Variants in TBCK observed in about 807,000 individuals in gnomAD.
TBCK encodes TBC1 domain containing kinase, also known as TBC domain-containing protein kinase-like protein.
A neutral mutation model predicts 113.4 loss-of-function variants in TBCK; 99 were observed. The observed-to-expected ratio is 0.87, with a 90% CI of 0.74 to 1.03. The LOEUF is 1.03. TBCK is among the 50% of genes least tolerant of loss of function. TBCK has a pLI of 0.00. For synonymous variants in TBCK, 369 were observed against 370.8 expected (o/e 1.00, Z 0.05); for missense variants, 1,045 against 1,061.3 (o/e 0.98, Z 0.21).
At chr4:106,298,223 AAT>A (rs1044802325) in intron 2 of TBCK, among the ~76,000 whole-genome samples, 8 of 152,180 alleles carry the variant, frequency 5.3e-5, no homozygotes, top group African/African-American at 1.9e-4. Context: ...AAACATTTTA[AAT>A]GGAATATTCT....
At chr4:106,306,545 G>A (rs1257783491) in intron 2 of TBCK, among the ~76,000 whole-genome samples, 3 of 151,970 alleles carry the variant, frequency 2.0e-5, no homozygotes, top group African/African-American at 7.3e-5. Flanking sequence ...TGGGACCTGG[G>A]GTAATGAGTT....
At chr4:106,219,273 T>G in intron 19 of TBCK, among the ~76,000 whole-genome samples, 1 of 149,312 alleles carries the variant, frequency 6.7e-6, no homozygotes, top group East Asian at 2.0e-4. Flanking sequence ...TAATGCTAGA[T>G]GACGAGTTAG....
chr4:106,252,059 A>G, intron 5 of TBCK, 52 bp from the exon 6 acceptor site: 1 of 1,449,088 alleles, frequency 6.9e-7, no homozygotes, highest in Non-Finnish European at 9.4e-7. Context: ...AAGAAGCGAT[A>G]GTACATTTTT....
At chr4:106,248,833 A>G in intron 8 of TBCK, 88 bp downstream of exon 8, 3 of 1,100,668 alleles carry the variant, frequency 2.7e-6, no homozygotes, top group African/African-American at 3.2e-5. Context: ...AACTGTGGAA[A>G]AATAAATTTT....
intron 25 of TBCK, among the ~76,000 whole-genome samples, chr4:106,088,867 G>C (rs565003742): frequency 6.6e-6 from 1 of 152,142 alleles, no homozygotes; most frequent in African/African-American, 2.4e-5. Flanking sequence ...TCACAAATGC[G>C]AGTTGAACAT....
At chr4:106,222,165 C>T (rs543438384) in intron 19 of TBCK, among the ~76,000 whole-genome samples, 1 of 144,122 alleles carries the variant, frequency 6.9e-6, no homozygotes, top group Admixed American at 6.7e-5. Flanking sequence ...AGTATAAAAT[C>T]TATCTAATAT....
At chr4:106,187,509 C>T (rs1318777282) in intron 22 of TBCK, among the ~76,000 whole-genome samples, 1 of 152,012 alleles carries the variant, frequency 6.6e-6, no homozygotes, top group African/African-American at 2.4e-5. Flanking sequence ...CTCTGCTTCC[C>T]AGGTTCAAGC....
intron 25 of TBCK, among the ~76,000 whole-genome samples, chr4:106,082,982 C>T (rs1272944921): frequency 6.6e-6 from 1 of 152,228 alleles, no homozygotes; most frequent in Non-Finnish European, 1.5e-5. Context: ...ACTTGCGAAC[C>T]CATTCCACCA....
At chr4:106,135,240 T>C (rs1370000700) in intron 23 of TBCK, among the ~76,000 whole-genome samples, 2 of 151,390 alleles carry the variant, frequency 1.3e-5, no homozygotes, top group Non-Finnish European at 2.9e-5. Flanking sequence ...AGATATTTTA[T>C]ATATAATAAA....
chr4:106,205,302 TA>T (rs1341464619), intron 20 of TBCK, among the ~76,000 whole-genome samples: 1 of 152,108 alleles, frequency 6.6e-6, no homozygotes, highest in Non-Finnish European at 1.5e-5. Context: ...CAGCAACCAA[TA>T]TTTTTCAATG....
In TBCK at chr4:106,265,638, A is replaced by G. The variant is rs552728763; in HGVS notation, c.267-3426T>C. Among the ~76,000 whole-genome samples, 3 of 151,960 alleles carry G rather than the reference A, an allele frequency of 2.0e-5. No homozygotes were observed. In the East Asian group the frequency reaches 5.8e-4, roughly 29 times the overall value. On this transcript the variant is annotated intron_variant, in intron 3 of 25. Transcript: ENST00000394708. ...TATGTCCTCTAGTTGTTCCTTGTCG[A>G]TAGATACTGTTCTTTGGTTATGGAT...
chr4:106,218,441 C>A (rs1352638757), intron 19 of TBCK, among the ~76,000 whole-genome samples: 17 of 145,906 alleles, frequency 1.2e-4, no homozygotes, highest in Non-Finnish European at 2.1e-4. Flanking sequence ...CAACCTACAA[C>A]ATGGGAGAAA....
At chr4:106,208,323 T>C (rs541854261) in intron 20 of TBCK, among the ~76,000 whole-genome samples, 1 of 152,266 alleles carries the variant, frequency 6.6e-6, no homozygotes, top group Non-Finnish European at 1.5e-5. Flanking sequence ...TTTCCTCTGA[T>C]TGATCCCTAC....
At chr4:106,202,999 ATTAAAT>A (rs1755060048) in intron 20 of TBCK, among the ~76,000 whole-genome samples, 1 of 152,050 alleles carries the variant, frequency 6.6e-6, no homozygotes, top group Non-Finnish European at 1.5e-5. Flanking sequence ...AGAAATAAAA[ATTAAAT>A]TTATTCTAAT....
chr4:106,255,518 G>A (rs1761891441), intron 5 of TBCK, among the ~76,000 whole-genome samples: 1 of 152,210 alleles, frequency 6.6e-6, no homozygotes, highest in African/African-American at 2.4e-5. Context: ...GTTGGACCAG[G>A]TGCGTTGCAA....
chr4:106,107,778 AC>A (rs942179572), intron 24 of TBCK, among the ~76,000 whole-genome samples: 21 of 152,200 alleles, frequency 1.4e-4, no homozygotes, highest in Admixed American at 1.4e-3. Context: ...AGAAATAATT[AC>A]AAAAATCAGG....
intron 23 of TBCK, among the ~76,000 whole-genome samples, chr4:106,161,402 AT>A (rs1256252579): frequency 6.6e-6 from 1 of 152,088 alleles, no homozygotes; most frequent in East Asian, 1.9e-4. Context: ...GAGGGGCCTC[AT>A]TTTTTCTTAG....
At chr4:106,068,907 T>A (rs547233108) in intron 25 of TBCK, among the ~76,000 whole-genome samples, 36 of 152,332 alleles carry the variant, frequency 2.4e-4, no homozygotes, top group Non-Finnish European at 3.2e-4. Flanking sequence ...ATCATGAGCA[T>A]TTTTTCACGT....
At chr4:106,103,622 T>C (rs1741802301) in intron 24 of TBCK, among the ~76,000 whole-genome samples, 1 of 152,180 alleles carries the variant, frequency 6.6e-6, no homozygotes, top group Non-Finnish European at 1.5e-5. Flanking sequence ...ATATACAGCA[T>C]AGGACTAGCA....
Sources: gnomAD v4.1 joint callset for allele counts (sites outside exome capture counted in the v4.1 genomes callset) on GRCh38, gnomAD v4.1.1 for gene constraint, MANE v1.5 for transcripts, NCBI Gene and HGNC (gene_info 2026-07-23, HGNC 2026-07-21) for gene names.